URB1: variants seen among roughly 807,000 people sequenced by gnomAD.
The protein encoded by URB1 is URB1 ribosome biogenesis factor, also known as nucleolar pre-ribosomal-associated protein 1.
In URB1, 197 loss-of-function variants were observed where a neutral mutation model predicts 242.3. That is an observed-to-expected ratio of 0.81 (90% CI 0.72 to 0.91). URB1 has a LOEUF of 0.91. Ranked by LOEUF, URB1 falls within the 40% of genes least tolerant of loss-of-function variation. The probability of loss-of-function intolerance (pLI) is 0.00; values close to 1 mark genes in which losing one functional copy is unlikely to be tolerated. For synonymous variants in URB1, 1,153 were observed against 1,201.8 expected, an observed-to-expected ratio of 0.96 and a Z score of 0.84; for missense variants, 2,721 against 2,860.5, an observed-to-expected ratio of 0.95 and a Z score of 1.11.
chr21:32,374,748 C>T (rs554505971), intron 6 of URB1, among the ~76,000 whole-genome samples: 59 of 152,362 alleles, frequency 3.9e-4, no homozygotes, highest in African/African-American at 1.1e-3. Flanking sequence ...CCCCACTAGG[C>T]ACCAGTTGTA....
At position 32,324,675 on chromosome 21, in the gene URB1, GCCGAA is replaced by G; in HGVS notation, c.5122-78_5122-74del. 3 of 1,182,004 alleles carry G rather than the reference GCCGAA, an allele frequency of 2.5e-6. No individual in the cohort carries two copies. In the South Asian group the frequency reaches 4.0e-5, roughly 16 times the overall value. 73.2% of individuals were successfully genotyped at this position (1,182,004 alleles called of 1,614,324 possible). A position where few individuals can be genotyped will look rare whatever the true frequency, so the allele number is the denominator to read the frequency against. ...GCTATGGTCAGTCCTCTCTGGTGCA[GCCGAA>G]CCAGGGCTCGGCAGGGTGTGCCTGC... On this transcript the variant is annotated intron_variant, in intron 31 of 38. Transcript: ENST00000382751.
At chr21:32,338,664 TA>T (rs1328331289) in intron 26 of URB1, 42 bp downstream of exon 26, 2 of 1,547,484 alleles carry the variant, frequency 1.3e-6, no homozygotes, top group Non-Finnish European at 1.7e-6. Context: ...AATCAGGAGA[TA>T]AAATCTGGAT....
intron 6 of URB1, 137 bp from the exon 7 acceptor site, chr21:32,373,909 A>C: frequency 1.2e-6 from 1 of 817,068 alleles, no homozygotes; most frequent in South Asian, 2.2e-5. Context: ...AATTTGGTTT[A>C]AAAAAAGGAA....
chr21:32,319,275 C>A lies in URB1; in HGVS notation c.5734G>T (p.Ala1912Ser). The A allele has an allele frequency of 6.4e-7, 1 of 1,551,248 alleles. No homozygotes were observed. The highest frequency in any genetic ancestry group is 1.2e-5 in the South Asian group (1 of 83,962). ...PSSQEPAKRL[A>S]LHLVNEFLYV... is the part of the protein sequence containing the mutation. ...AGGAACTCATTGACCAGGTGCAGGG[C>A]AAGCCGCTTGGCAGGCTCCTGGGAG... is the stretch of plus-strand genomic sequence containing the variant. The change falls in exon 36 of 39, where the codon GCC becomes TCC. Residue 1912 changes from alanine (A) to serine (S), a missense_variant. Transcript: ENST00000382751.
intron 9 of URB1, among the ~76,000 whole-genome samples, chr21:32,368,169 G>A (rs931615215): frequency 2.0e-5 from 3 of 152,268 alleles, no homozygotes; most frequent in Admixed American, 6.5e-5. Flanking sequence ...CCAGGTTCAA[G>A]TAATTCTCCT....
rs2032685536 is a variant in URB1, at chr21:32,316,399, T to C, written c.6634+67A>G. The C allele has an allele frequency of 2.1e-6, 3 of 1,450,618 alleles. No homozygotes were observed. In the South Asian group the frequency reaches 4.5e-5, roughly 22 times the overall value. The allele number at this position is 1,450,618 out of a possible 1,614,324, so 89.9% of individuals were successfully genotyped here. Reference sequence around the variant, plus strand: ...AACCTGAGTGTTCTAAGCACAGAAATCACTCCTGCCCCCAGGCCCACTTCT... The same window carrying C: ...AACCTGAGTGTTCTAAGCACAGAAACCACTCCTGCCCCCAGGCCCACTTCT... On this transcript the variant is annotated intron_variant, in intron 38 of 38. Coordinates refer to ENST00000382751, the MANE Select transcript of URB1 (RefSeq NM_014825.3).
rs1175602688 is a variant in URB1, at chr21:32,313,761, G to A, written c.*1157C>T. Reference sequence around the variant, plus strand: ...ACAGAGCAGATCCCAAGAGCCCCAGGCATGCAGGAGAGTTTTAAAGGAACA... The same window carrying A: ...ACAGAGCAGATCCCAAGAGCCCCAGACATGCAGGAGAGTTTTAAAGGAACA... On this transcript the variant is annotated 3_prime_UTR_variant, in exon 39 of 39. Transcript: ENST00000382751. 4 of 152,230 alleles carry A rather than the reference G, an allele frequency of 2.6e-5. No homozygotes were observed. The highest frequency in any genetic ancestry group is 9.7e-5 in the African/African-American group (4 of 41,436). The allele number at this position is 152,230 out of a possible 1,614,324, so 9.4% of individuals were successfully genotyped here.
At chr21:32,324,668 T>C (rs993302789) in intron 31 of URB1, 66 bp from the exon 32 acceptor site, 10 of 1,266,758 alleles carry the variant, frequency 7.9e-6, no homozygotes, top group Admixed American at 4.0e-5. Flanking sequence ...CAGTCCTCTC[T>C]GGTGCAGCCG....
chr21:32,355,625 T>C (rs556449940), intron 15 of URB1, 60 bp from the exon 16 acceptor site: 1 of 1,344,808 alleles, frequency 7.4e-7, no homozygotes, highest in East Asian at 2.5e-5. Flanking sequence ...TTTCTTTTCT[T>C]TGAGACAGGG....
At chr21:32,334,556 A>G (rs1171075491) in intron 28 of URB1, among the ~76,000 whole-genome samples, 2 of 152,212 alleles carry the variant, frequency 1.3e-5, no homozygotes, top group South Asian at 2.1e-4. Flanking sequence ...TGACGACAGA[A>G]GCTGGTGTCT....
chr21:32,375,564 G>T, intron 5 of URB1, 81 bp from the exon 6 acceptor site: 4 of 786,692 alleles, frequency 5.1e-6, no homozygotes, highest in East Asian at 3.1e-5. Context: ...CTGTTTAGGT[G>T]GTACAGCAAA....
At chr21:32,352,025 C>A (rs1009764798) in intron 19 of URB1, among the ~76,000 whole-genome samples, 1 of 152,256 alleles carries the variant, frequency 6.6e-6, no homozygotes, top group Middle Eastern at 3.4e-3. Flanking sequence ...GTACAGGACC[C>A]GGTATGCCTC....
At chr21:32,377,113 C>T in intron 5 of URB1, 2 of 499,154 alleles carry the variant, frequency 4.0e-6, no homozygotes, top group South Asian at 3.0e-5. Context: ...TTAATTATTT[C>T]ACTGGGATAA....
chr21:32,324,656 G>T, intron 31 of URB1, 54 bp from the exon 32 acceptor site: 1 of 1,374,066 alleles, frequency 7.3e-7, no homozygotes, highest in Non-Finnish European at 1.0e-6. Flanking sequence ...CAGAGCTATG[G>T]TCAGTCCTCT....
chr21:32,364,169 GGA>G (rs1377093632), intron 10 of URB1, among the ~76,000 whole-genome samples: 1 of 152,088 alleles, frequency 6.6e-6, no homozygotes, highest in East Asian at 1.9e-4. Context: ...ATGACACCTG[GGA>G]GAGTCACTCA....
intron 17 of URB1, among the ~76,000 whole-genome samples, chr21:32,354,476 GC>G (rs1222230679): frequency 6.6e-6 from 1 of 152,188 alleles, no homozygotes; most frequent in African/African-American, 2.4e-5. Flanking sequence ...TCCTGACTTT[GC>G]TATGTAGTAG....
intron 22 of URB1, among the ~76,000 whole-genome samples, chr21:32,346,062 T>C (rs2033082957): frequency 6.6e-6 from 1 of 152,134 alleles, no homozygotes; most frequent in South Asian, 2.1e-4. Flanking sequence ...GCAGTCCTTG[T>C]GGTAGAGTGA....
chr21:32,317,155 A>AG lies in URB1; in HGVS notation c.6035-91dup, dbSNP rs1342583020. 2.1e-6 allele frequency: 3 copies of AG among 1,437,158 alleles called. No individual in the cohort carries two copies. In the African/African-American group the frequency reaches 4.3e-5, roughly 21 times the overall value. The allele number at this position is 1,437,158 out of a possible 1,614,324, so 89.0% of individuals were successfully genotyped here. A position where few individuals can be genotyped will look rare whatever the true frequency, so the allele number is the denominator to read the frequency against. ...TGGGGAGGTGTCAATGGGGGACACG[A>AG]GGGGCGGCTTGCATGTCCTGAGCAC... On this transcript the variant is annotated intron_variant, in intron 37 of 38. Transcript: ENST00000382751.
chr21:32,372,488 C>G lies in URB1; in HGVS notation c.1001+19G>C. The G allele has an allele frequency of 6.5e-7, 1 of 1,549,346 alleles. No individual in the cohort carries two copies. Among genetic ancestry groups the G allele is most frequent in the Non-Finnish European group, 8.7e-7 (1 of 1,146,568 alleles). On this transcript the variant is annotated intron_variant, in intron 8 of 38. Coordinates refer to ENST00000382751, the MANE Select transcript of URB1 (RefSeq NM_014825.3). ...AGGAACATACACACCCTGGGGTCCACAAGAGTGTTATACTTTACCTGCCAA... is the reference window on the plus strand; with the variant it reads ...AGGAACATACACACCCTGGGGTCCAGAAGAGTGTTATACTTTACCTGCCAA...
Sources: gnomAD v4.1 joint callset for allele counts (sites outside exome capture counted in the v4.1 genomes callset) on GRCh38, gnomAD v4.1.1 for gene constraint, MANE v1.5 for transcripts, NCBI Gene and HGNC (gene_info 2026-07-23, HGNC 2026-07-21) for gene names.